The following CADPS variants were observed in gnomAD, a reference collection of about 807,000 sequenced individuals.
CADPS encodes calcium dependent secretion activator.
A neutral mutation model predicts 167.3 loss-of-function variants in CADPS; 57 were observed. The ratio of observed to expected loss-of-function variants is 0.34; its 90% CI spans 0.28 to 0.42. CADPS has a LOEUF of 0.42. Ranked by LOEUF, CADPS falls within the 20% of genes least tolerant of loss-of-function variation. The probability of loss-of-function intolerance (pLI) is 1.00; values close to 1 mark genes in which losing one functional copy is unlikely to be tolerated. For synonymous variants in CADPS, 676 were observed against 635.3 expected (o/e 1.06, Z -0.96); for missense variants, 1,414 against 1,738.1 (o/e 0.81, Z 3.32).
chr3:62,593,073 T>C (rs2086419791), intron 6 of CADPS, among the ~76,000 whole-genome samples: 1 of 152,238 alleles, frequency 6.6e-6, no homozygotes, highest in Non-Finnish European at 1.5e-5. Context: ...AAATCACTAA[T>C]ATTTCATTGC....
chr3:62,813,174 A>G (rs2094463099), intron 1 of CADPS, among the ~76,000 whole-genome samples: 1 of 152,172 alleles, frequency 6.6e-6, no homozygotes, highest in Admixed American at 6.6e-5. Context: ...CTAAGCAAAA[A>G]GAGTAAATTT....
intron 29 of CADPS, among the ~76,000 whole-genome samples, chr3:62,401,743 T>TG (rs969024059): frequency 1.6e-4 from 25 of 152,078 alleles, no homozygotes; most frequent in African/African-American, 5.3e-4. Context: ...TTTTTTTTTT[T>TG]TTGTTTTGGC....
intron 6 of CADPS, among the ~76,000 whole-genome samples, chr3:62,639,892 CCTTGCA>C (rs1222653202): frequency 1.3e-5 from 2 of 152,128 alleles, no homozygotes; most frequent in Admixed American, 6.6e-5. Context: ...TACCTCAAAG[CCTTGCA>C]CTTGCTGTTT....
chr3:62,773,687 T>C (rs954542392), intron 1 of CADPS, among the ~76,000 whole-genome samples: 1 of 152,196 alleles, frequency 6.6e-6, no homozygotes, highest in Non-Finnish European at 1.5e-5. Context: ...ATAAGCTTTA[T>C]GTAGTTTTAT....
chr3:62,730,108 A>T (rs2077485846), intron 3 of CADPS, among the ~76,000 whole-genome samples: 1 of 149,806 alleles, frequency 6.7e-6, no homozygotes, highest in Admixed American at 6.6e-5. Context: ...TCCGTGAAGT[A>T]GAGTCCTTCT....
At chr3:62,596,078 T>G (rs1578444550) in intron 6 of CADPS, among the ~76,000 whole-genome samples, 1 of 147,326 alleles carries the variant, frequency 6.8e-6, no homozygotes, top group African/African-American at 2.6e-5. Context: ...CCCGTTTTTA[T>G]ATATATGTAT....
Position 62,697,357 on chromosome 3 carries a change from A to G in CADPS, c.889-34963T>C, listed in dbSNP as rs566456982. On this transcript the variant is annotated intron_variant, in intron 3 of 29. Transcript: ENST00000383710. ...AGCTCCCACTTATGAGTGAGAGCAT[A>G]TGATGTTTGGTTTTCCATTCCTAAG... is the stretch of plus-strand genomic sequence containing the variant. Among the ~76,000 whole-genome samples, 12 of 152,132 alleles carry G rather than the reference A, an allele frequency of 7.9e-5. No homozygotes were observed. The South Asian group carries it at 2.5e-3, about 32-fold the overall frequency.
chr3:62,603,818 G>C (rs1351818785), intron 6 of CADPS, among the ~76,000 whole-genome samples: 1 of 151,740 alleles, frequency 6.6e-6, no homozygotes, highest in Non-Finnish European at 1.5e-5. Context: ...TCTGATGCTT[G>C]CTATCTGTAT....
intron 1 of CADPS, among the ~76,000 whole-genome samples, chr3:62,832,356 G>A (rs1051366590): frequency 6.6e-6 from 1 of 152,212 alleles, no homozygotes; most frequent in African/African-American, 2.4e-5. Flanking sequence ...GATCTCAGAG[G>A]AATAGAGAGC....
chr3:62,491,548 C>CACACAA lies in CADPS; in HGVS notation c.2885-69_2885-68insTTGTGT, dbSNP rs1553815195. ...TTTATCAACGTACAACACACACACA[C>CACACAA]ACACACACAAACACACACACACACA... On this transcript the variant is annotated intron_variant, in intron 20 of 29. Coordinates refer to ENST00000383710, the MANE Select transcript of CADPS (RefSeq NM_003716.4). 9 of 1,110,780 alleles carry CACACAA rather than the reference C, an allele frequency of 8.1e-6. No individual in the cohort carries two copies. The African/African-American group carries it at 1.6e-4, about 20-fold the overall frequency. The allele number at this position is 1,110,780 out of a possible 1,614,324, so 68.8% of individuals were successfully genotyped here.
chr3:62,758,143 G>C (rs987966066), intron 2 of CADPS, among the ~76,000 whole-genome samples: 2 of 152,178 alleles, frequency 1.3e-5, no homozygotes, highest in African/African-American at 4.8e-5. Context: ...AAATACTTCT[G>C]AATTACCAGT....
At chr3:62,480,870 A>G (rs2061922517) in intron 22 of CADPS, among the ~76,000 whole-genome samples, 1 of 152,182 alleles carries the variant, frequency 6.6e-6, no homozygotes, top group African/African-American at 2.4e-5. Context: ...GGGGTGCTCG[A>G]TCTTCTTGCT....
At chr3:62,873,427 T>C (rs913905891) in intron 1 of CADPS, among the ~76,000 whole-genome samples, 1 of 152,184 alleles carries the variant, frequency 6.6e-6, no homozygotes, top group African/African-American at 2.4e-5. Context: ...GGGGCTTGAC[T>C]GGCTTTTTTG....
intron 27 of CADPS, among the ~76,000 whole-genome samples, chr3:62,444,021 C>G (rs577004248): frequency 6.6e-6 from 1 of 152,224 alleles, no homozygotes; most frequent in South Asian, 2.1e-4. Context: ...TTTGACCTCA[C>G]CAATATGCCA....
intron 10 of CADPS, among the ~76,000 whole-genome samples, chr3:62,552,675 C>T (rs2077502815): frequency 6.6e-6 from 1 of 152,146 alleles, no homozygotes; most frequent in African/African-American, 2.4e-5. Context: ...CTTCATTGTG[C>T]CGATGCAATT....
intron 17 of CADPS, among the ~76,000 whole-genome samples, chr3:62,504,814 C>T (rs536554526): frequency 6.6e-6 from 1 of 152,068 alleles, no homozygotes; most frequent in Non-Finnish European, 1.5e-5. Flanking sequence ...AAGAGAATTC[C>T]GCAGCAGGCT....
At chr3:62,591,588 C>G (rs886387691) in intron 7 of CADPS, among the ~76,000 whole-genome samples, 1 of 152,092 alleles carries the variant, frequency 6.6e-6, no homozygotes, top group Non-Finnish European at 1.5e-5. Flanking sequence ...TGAGCAGAAG[C>G]CAAATTAAAC....
intron 6 of CADPS, among the ~76,000 whole-genome samples, chr3:62,636,331 A>AT (rs200820114): frequency 6.6e-6 from 1 of 152,132 alleles, no homozygotes; most frequent in East Asian, 1.9e-4. Context: ...CTGAACCTTT[A>AT]TTTTTCATAT....
intron 24 of CADPS, among the ~76,000 whole-genome samples, chr3:62,468,334 T>C (rs1200221364): frequency 2.6e-5 from 4 of 152,290 alleles, no homozygotes; most frequent in East Asian, 3.9e-4. Context: ...TTATTAATTA[T>C]GGGAGTAAAC....
Sources: gnomAD v4.1 joint callset for allele counts (sites outside exome capture counted in the v4.1 genomes callset) on GRCh38, gnomAD v4.1.1 for gene constraint, MANE v1.5 for transcripts, NCBI Gene and HGNC (gene_info 2026-07-23, HGNC 2026-07-21) for gene names.